CDH18: variants seen among roughly 807,000 people sequenced by gnomAD.
CDH18 encodes the protein cadherin 18.
CDH18 carries 31 observed loss-of-function variants against 67.9 expected under a neutral mutation model. The ratio of observed to expected loss-of-function variants is 0.46; its 90% CI spans 0.34 to 0.62. CDH18 has a LOEUF of 0.62. CDH18 is among the 20% of genes least tolerant of loss of function. The pLI is 0.01. For missense variants in CDH18, 890 were observed against 975.5 expected (o/e 0.91, Z 1.17); for synonymous variants, 362 against 347.2 (o/e 1.04, Z -0.48).
At chr5:19,690,045 A>AAT (rs1561055802) in intron 5 of CDH18, among the ~76,000 whole-genome samples, 4 of 150,482 alleles carry the variant, frequency 2.7e-5, no homozygotes. Context: ...GAAGGGATCA[A>AAT]ATATATATAT....
intron 3 of CDH18, among the ~76,000 whole-genome samples, chr5:19,833,884 G>A (rs866187042): frequency 6.8e-6 from 1 of 147,388 alleles, no homozygotes; most frequent in Non-Finnish European, 1.5e-5. Context: ...CTTGATTTGG[G>A]TGAGTAAGTT....
At chr5:20,351,908 T>A (rs1741214107) in intron 1 of CDH18, among the ~76,000 whole-genome samples, 1 of 152,146 alleles carries the variant, frequency 6.6e-6, no homozygotes, top group Non-Finnish European at 1.5e-5. Flanking sequence ...TGGAGCAAAC[T>A]TTCTTAAAGA....
intron 1 of CDH18, among the ~76,000 whole-genome samples, chr5:20,460,592 T>C (rs1751194129): frequency 6.6e-6 from 1 of 152,038 alleles, no homozygotes; most frequent in Admixed American, 6.6e-5. Context: ...ATATATTTGC[T>C]TATAGTCAGA....
chr5:19,501,817 A>T (rs1264739083), intron 11 of CDH18, among the ~76,000 whole-genome samples: 1 of 152,226 alleles, frequency 6.6e-6, no homozygotes, highest in Non-Finnish European at 1.5e-5. Context: ...ATATGGAAAA[A>T]TATGATTTTT....
intron 6 of CDH18, among the ~76,000 whole-genome samples, chr5:19,604,846 A>T (rs351312): frequency 0.73 from 111,326 of 151,736 alleles, 41,097 homozygotes; most frequent in East Asian, 1. Flanking sequence ...TTCTATAGAA[A>T]GTTTTTTTTT....
At chr5:19,883,268 G>C (rs536893418) in intron 2 of CDH18, among the ~76,000 whole-genome samples, 1 of 152,112 alleles carries the variant, frequency 6.6e-6, no homozygotes, top group Non-Finnish European at 1.5e-5. Flanking sequence ...CTTGAGAAAT[G>C]ATATAAACAG....
At chr5:19,485,530 C>G (rs908903919) in intron 11 of CDH18, among the ~76,000 whole-genome samples, 2 of 152,290 alleles carry the variant, frequency 1.3e-5, no homozygotes, top group Admixed American at 6.5e-5. Context: ...GCTGGGATTA[C>G]AGGCGTGAGC....
chr5:19,718,929 A>T (rs928677460), intron 5 of CDH18, among the ~76,000 whole-genome samples: 2 of 152,046 alleles, frequency 1.3e-5, no homozygotes, highest in African/African-American at 4.8e-5. Context: ...ATATGTACAT[A>T]AATGAATGCA....
chr5:20,245,682 A>C (rs1240917903), intron 2 of CDH18, among the ~76,000 whole-genome samples: 1 of 152,136 alleles, frequency 6.6e-6, no homozygotes, highest in Non-Finnish European at 1.5e-5. Flanking sequence ...GAGATAAGTC[A>C]GTGCCCCCTA....
intron 1 of CDH18, among the ~76,000 whole-genome samples, chr5:20,457,629 G>T (rs533149255): frequency 6.6e-6 from 1 of 152,144 alleles, no homozygotes; most frequent in African/African-American, 2.4e-5. Flanking sequence ...TGGGGTTATA[G>T]TATGTGCTGC....
intron 1 of CDH18, among the ~76,000 whole-genome samples, chr5:20,477,754 G>C (rs73764404): frequency 0.055 from 8,375 of 152,274 alleles, 768 homozygotes; most frequent in African/African-American, 0.19. Context: ...GCTGGGCTTG[G>C]TGCCAGTGAA....
chr5:19,762,321 G>A (rs1772467778), intron 3 of CDH18, among the ~76,000 whole-genome samples: 1 of 152,088 alleles, frequency 6.6e-6, no homozygotes, highest in Admixed American at 6.6e-5. Context: ...CAGAATGGGA[G>A]AAAATTTTTG....
At chr5:20,308,404 G>A (rs541147186) in intron 1 of CDH18, among the ~76,000 whole-genome samples, 2 of 152,026 alleles carry the variant, frequency 1.3e-5, no homozygotes, top group Admixed American at 6.6e-5. Flanking sequence ...TTAGCCGGGA[G>A]TGGCGGCAGG....
intron 3 of CDH18, among the ~76,000 whole-genome samples, chr5:19,812,331 AT>A (rs1158017334): frequency 6.6e-6 from 1 of 152,204 alleles, no homozygotes; most frequent in Non-Finnish European, 1.5e-5. Context: ...ATTAATACTA[AT>A]AACAATAATT....
intron 12 of CDH18, among the ~76,000 whole-genome samples, chr5:19,474,716 T>C (rs943968215): frequency 6.6e-6 from 1 of 152,128 alleles, no homozygotes; most frequent in African/African-American, 2.4e-5. Flanking sequence ...TCTACTTCAG[T>C]ATTTCAAAGA....
intron 8 of CDH18, among the ~76,000 whole-genome samples, chr5:19,554,895 G>A (rs942893280): frequency 1.7e-4 from 26 of 151,936 alleles, no homozygotes; most frequent in African/African-American, 6.3e-4. Context: ...TGAATCTAAG[G>A]GGGAAAAAAA....
At chr5:20,163,136 C>T (rs1580378728) in intron 2 of CDH18, among the ~76,000 whole-genome samples, 1 of 151,866 alleles carries the variant, frequency 6.6e-6, no homozygotes, top group Non-Finnish European at 1.5e-5. Context: ...ATAAATATTT[C>T]CTCACACTGC....
intron 2 of CDH18, among the ~76,000 whole-genome samples, chr5:20,134,033 C>T (rs1254032547): frequency 6.6e-6 from 1 of 152,108 alleles, no homozygotes; most frequent in African/African-American, 2.4e-5. Context: ...GGCACACTCT[C>T]AGCTTGCTTC....
At chr5:20,361,972 A>T (rs1336577509) in intron 1 of CDH18, among the ~76,000 whole-genome samples, 1 of 152,140 alleles carries the variant, frequency 6.6e-6, no homozygotes, top group Non-Finnish European at 1.5e-5. Context: ...AATTGACTGT[A>T]AACCAAGAAT....
Sources: gnomAD v4.1 joint callset for allele counts (sites outside exome capture counted in the v4.1 genomes callset) on GRCh38, gnomAD v4.1.1 for gene constraint, MANE v1.5 for transcripts, NCBI Gene and HGNC (gene_info 2026-07-23, HGNC 2026-07-21) for gene names.